PCDH15: variants seen among roughly 807,000 people sequenced by gnomAD.
PCDH15 encodes protocadherin-15.
In PCDH15, 129 loss-of-function variants were observed where a neutral mutation model predicts 178.5. The observed-to-expected ratio is 0.72, with a 90% CI of 0.63 to 0.84. PCDH15 has a LOEUF of 0.84. Among genes scored for constraint, PCDH15 ranks in the 40% least tolerant of loss-of-function variants. The pLI is 0.00. For missense variants in PCDH15, 2,230 were observed against 2,099.9 expected, an observed-to-expected ratio of 1.06 and a Z score of -1.21; for synonymous variants, 800 against 732.0, an observed-to-expected ratio of 1.09 and a Z score of -1.50.
intron 2 of PCDH15, among the ~76,000 whole-genome samples, chr10:55,365,378 T>C (rs1034276716): frequency 1.3e-5 from 2 of 152,162 alleles, no homozygotes; most frequent in African/African-American, 4.8e-5. Flanking sequence ...GATCATTCAC[T>C]CTGTGGAATG....
intron 1 of PCDH15, among the ~76,000 whole-genome samples, chr10:54,698,420 G>A (rs1399711815): frequency 6.6e-6 from 1 of 152,104 alleles, no homozygotes; most frequent in African/African-American, 2.4e-5. Context: ...GTTTAGTGCT[G>A]TATAGATTCT....
At chr10:54,759,846 C>T (rs61854106) in intron 1 of PCDH15, among the ~76,000 whole-genome samples, 5,081 of 152,266 alleles carry the variant, frequency 0.033, 137 homozygotes, top group Non-Finnish European at 0.047. Flanking sequence ...ATGGGTGCCT[C>T]TGTACAGCTG....
At chr10:54,991,964 A>C (rs2131917958) in intron 2 of PCDH15, among the ~76,000 whole-genome samples, 1 of 152,222 alleles carries the variant, frequency 6.6e-6, no homozygotes, top group East Asian at 1.9e-4. Context: ...GACAACGGCT[A>C]ACATATTTTA....
chr10:54,797,699 G>A (rs1410285513), intron 1 of PCDH15, among the ~76,000 whole-genome samples: 1 of 152,020 alleles, frequency 6.6e-6, no homozygotes, highest in Non-Finnish European at 1.5e-5. Context: ...AATGTTTAGA[G>A]GGTGTGCTGA....
rs574516579 is a variant in PCDH15 at position 55,382,269 on chromosome 10, C to A, written c.-155-215618G>T. On this transcript the variant is annotated intron_variant, in intron 2 of 5. Coordinates refer to the PCDH15 transcript ENST00000613346. ...CCCCTAAAGAGGCTTATATCCAAAT[C>A]CCTGCGAGCTGCGATCATGTTATAT... Among the ~76,000 whole-genome samples, 38 of 152,180 alleles carry A rather than the reference C, an allele frequency of 2.5e-4. No homozygotes were observed. The South Asian group carries it at 7.9e-3, about 32-fold the overall frequency.
rs11004027 is a variant in PCDH15, at chr10:54,067,033, A to T, written c.2092-148T>A. Reference sequence around the variant, plus strand: ...TTCCAAAAAATAAAAATAAAAAAATAAAAAAATTAAAAAAAAGAAGCTTGC... The same window carrying T: ...TTCCAAAAAATAAAAATAAAAAAATTAAAAAATTAAAAAAAAGAAGCTTGC... On this transcript the variant is annotated intron_variant, in intron 17 of 37. Transcript: ENST00000644397. 145,648 of 651,272 alleles carry T rather than the reference A, an allele frequency of 0.22. 18,030 individuals carry two copies. The highest frequency in any genetic ancestry group is 0.25 in the Non-Finnish European group (110,679 of 444,076). 40.3% of individuals were successfully genotyped at this position (651,272 alleles called of 1,614,324 possible). A position where few individuals can be genotyped will look rare whatever the true frequency, so the allele number is the denominator to read the frequency against.
chr10:55,256,814 C>T (rs578049517), intron 1 of PCDH15, among the ~76,000 whole-genome samples: 1 of 152,308 alleles, frequency 6.6e-6, no homozygotes, highest in Admixed American at 6.5e-5. Context: ...CATAGCCAAA[C>T]AAAAGGCAGC....
In PCDH15 at chr10:53,845,210, A is replaced by G. The variant is rs374710122; in HGVS notation, c.3807-4714T>C. Among the ~76,000 whole-genome samples the G allele has an allele frequency of 1.4e-4, 22 of 151,892 alleles. No individual in the cohort carries two copies. The East Asian group carries it at 3.5e-3, about 24-fold the overall frequency. On this transcript the variant is annotated intron_variant, in intron 28 of 37. Coordinates refer to ENST00000644397, the MANE Select transcript of PCDH15 (RefSeq NM_001384140.1). Reference sequence around the variant, plus strand: ...ACTGTAATTGCTATTGTCAAAAAACAAACAAACAAAAAATAACAAATGCTG... The same window carrying G: ...ACTGTAATTGCTATTGTCAAAAAACGAACAAACAAAAAATAACAAATGCTG...
intron 1 of PCDH15, among the ~76,000 whole-genome samples, chr10:55,274,296 A>G (rs1842527613): frequency 6.6e-6 from 1 of 152,134 alleles, no homozygotes; most frequent in African/African-American, 2.4e-5. Context: ...ATACCTCAGG[A>G]TAGTGAATAC....
intron 2 of PCDH15, among the ~76,000 whole-genome samples, chr10:55,047,690 G>T (rs1035688625): frequency 3.3e-5 from 5 of 151,692 alleles, no homozygotes; most frequent in Non-Finnish European, 7.4e-5. Flanking sequence ...GAAGTTGATT[G>T]TAGGTCACAT....
intron 2 of PCDH15, among the ~76,000 whole-genome samples, chr10:55,326,808 A>C (rs1844042387): frequency 6.6e-6 from 1 of 152,138 alleles, no homozygotes; most frequent in Admixed American, 6.6e-5. Flanking sequence ...ACGAAGAGAT[A>C]ATGAAAAGTA....
chr10:54,213,975 T>C lies in PCDH15; in HGVS notation c.1059A>G (p.Val353=). Residue 353 remains valine (V), a synonymous_variant, in exon 10 of 38, where the codon GTA becomes GTG. Coordinates refer to ENST00000644397, the MANE Select transcript of PCDH15 (RefSeq NM_001384140.1). ...CAAATTTCTGGTGAAAGTCTCTGTT[T>C]ACTGGCTCCAGGAGACTAAGTTCTG... The part of the protein sequence containing the change: ...RTAELSLLEP[V]NRDFHQKFDL... The C allele has an allele frequency of 1.2e-6, 2 of 1,611,074 alleles. No individual in the cohort carries two copies. The highest frequency in any genetic ancestry group is 1.7e-6 in the Non-Finnish European group (2 of 1,177,412).
chr10:54,853,402 C>CATATATAT (rs1554806865), intron 3 of PCDH15, among the ~76,000 whole-genome samples: 1 of 141,830 alleles, frequency 7.1e-6, no homozygotes, highest in African/African-American at 2.6e-5. Context: ...TATATACACA[C>CATATATAT]ACATATATAT....
intron 3 of PCDH15, among the ~76,000 whole-genome samples, chr10:54,806,318 T>C (rs1952776842): frequency 1.3e-5 from 2 of 152,156 alleles, no homozygotes; most frequent in African/African-American, 4.8e-5. Flanking sequence ...GCAACACACA[T>C]TTATTATTTC....
intron 1 of PCDH15, among the ~76,000 whole-genome samples, chr10:54,706,814 G>T (rs926852754): frequency 1.3e-5 from 2 of 152,012 alleles, no homozygotes; most frequent in Admixed American, 1.3e-4. Flanking sequence ...ACTAGAGACG[G>T]GTTTCACCAT....
At chr10:54,526,946 G>C (rs1466985786) in intron 3 of PCDH15, among the ~76,000 whole-genome samples, 1 of 152,056 alleles carries the variant, frequency 6.6e-6, no homozygotes, top group Admixed American at 6.6e-5. Flanking sequence ...TTTCTAATAA[G>C]GCAACTGACA....
At chr10:54,934,757 C>A (rs1439564981) in intron 2 of PCDH15, among the ~76,000 whole-genome samples, 1 of 151,762 alleles carries the variant, frequency 6.6e-6, no homozygotes, top group Non-Finnish European at 1.5e-5. Flanking sequence ...ATAAATCATG[C>A]TGCTTTAAAG....
chr10:55,565,688 G>A (rs1842287476), intron 2 of PCDH15, among the ~76,000 whole-genome samples: 2 of 151,560 alleles, frequency 1.3e-5, no homozygotes, highest in Non-Finnish European at 1.5e-5. Flanking sequence ...AAATAAAATG[G>A]ACTATAAGAG....
chr10:54,700,260 C>G (rs2095291457), intron 1 of PCDH15, among the ~76,000 whole-genome samples: 1 of 152,090 alleles, frequency 6.6e-6, no homozygotes, highest in African/African-American at 2.4e-5. Context: ...TCTGCCCACA[C>G]AGATTAGAAT....
Sources: allele counts gnomAD v4.1 joint callset (sites outside exome capture counted in the v4.1 genomes callset), GRCh38; gene constraint gnomAD v4.1.1; transcripts MANE v1.5; gene names NCBI Gene and HGNC (gene_info 2026-07-23, HGNC 2026-07-21).